Variants in FRYL observed in about 807,000 individuals in gnomAD.
FRYL encodes the protein protein furry homolog-like.
In FRYL, 150 loss-of-function variants were observed where a neutral mutation model predicts 351.2. The ratio of observed to expected loss-of-function variants is 0.43; its 90% CI spans 0.37 to 0.49. The LOEUF (loss-of-function observed/expected upper bound fraction) is 0.49, where lower values mean the gene tolerates loss of function less well. Among genes scored for constraint, FRYL ranks in the 20% least tolerant of loss-of-function variants. The pLI, the probability that FRYL is intolerant of heterozygous loss-of-function variation, is 0.00. For synonymous variants in FRYL, 1,153 were observed against 1,257.1 expected (o/e 0.92, Z 1.75); for missense variants, 3,036 against 3,619.3 (o/e 0.84, Z 4.13).
intron 1 of FRYL, among the ~76,000 whole-genome samples, chr4:48,747,424 T>C (rs1412721853): frequency 6.6e-6 from 1 of 152,216 alleles, no homozygotes; most frequent in African/African-American, 2.4e-5. Context: ...AAAGCAGGCA[T>C]GATAGAATAT....
chr4:48,719,155 A>G (rs944023347), intron 1 of FRYL, among the ~76,000 whole-genome samples: 1 of 151,542 alleles, frequency 6.6e-6, no homozygotes, highest in Non-Finnish European at 1.5e-5. Flanking sequence ...CCTACAGAAA[A>G]CAGTTCAGGA....
At chr4:48,645,124 T>TTATTTATATATATATATATATATATATA (rs1756140368) in intron 3 of FRYL, among the ~76,000 whole-genome samples, 1 of 105,446 alleles carries the variant, frequency 9.5e-6, no homozygotes, top group Non-Finnish European at 2.1e-5. Flanking sequence ...AGCTTTCATT[T>TTATTTATATATATATATATATATATATA]TATATATATA....
intron 1 of FRYL, among the ~76,000 whole-genome samples, chr4:48,752,263 C>T (rs1354544744): frequency 6.6e-6 from 1 of 152,180 alleles, no homozygotes; most frequent in Non-Finnish European, 1.5e-5. Flanking sequence ...AAAAGACTTG[C>T]ACATTCTTTG....
rs57457069 is a variant in FRYL, at chr4:48,525,163, GTATATATATATATATATA to G, written c.7318-2077_7318-2060del. Among the ~76,000 whole-genome samples the G allele has an allele frequency of 8.5e-4, 119 of 139,912 alleles. 2 individuals carry two copies. Among genetic ancestry groups the G allele is most frequent in the South Asian group, 1.4e-3 (6 of 4,342 alleles). 91.8% of individuals were successfully genotyped at this position (139,912 alleles called of 152,430 possible). A position where few individuals can be genotyped will look rare whatever the true frequency, so the allele number is the denominator to read the frequency against. ...ATTCTTGCAACTTTTATTTTTAAAG[GTATATATATATATATATA>G]TATATATATATATATACACACACTT... On this transcript the variant is annotated intron_variant, in intron 53 of 63. Coordinates refer to ENST00000358350, the MANE Select transcript of FRYL (RefSeq NM_015030.2).
At position 48,564,115 on chromosome 4, in the gene FRYL, T is replaced by G. The variant is rs1736183635; in HGVS notation, c.3442-13A>C. 6.2e-7 allele frequency: 1 copy of G among 1,612,054 alleles called. No individual in the cohort carries two copies. The highest frequency in any genetic ancestry group is 1.7e-5 in the Admixed American group (1 of 59,382). ...CCAGCTGGTGAACCTAGGTAAAGGTTGTGAAATTGCCCGAGAGAGAACGTT... is the reference window on the plus strand; with the variant it reads ...CCAGCTGGTGAACCTAGGTAAAGGTGGTGAAATTGCCCGAGAGAGAACGTT... On this transcript the variant is annotated splice_polypyrimidine_tract_variant and intron_variant, in intron 30 of 63. Coordinates refer to ENST00000358350, the MANE Select transcript of FRYL (RefSeq NM_015030.2).
chr4:48,544,895 C>T lies in FRYL; in HGVS notation c.5289G>A (p.Gly1763=). The T allele has an allele frequency of 6.3e-7, 1 of 1,599,916 alleles. No individual in the cohort carries two copies. Residue 1763 remains glycine (G), a synonymous_variant, in exon 43 of 64, where the codon GGG becomes GGA. Coordinates refer to ENST00000358350, the MANE Select transcript of FRYL (RefSeq NM_015030.2). ...AAACATCCTCATGGTTCCAAAGGGG[C>T]CCTCTTTTTCTGAAAACAGAGAACA... ...LMEFITSRKR[G]PLWNHEDVSA... is the part of the protein sequence containing the mutation.
chr4:48,590,923 G>A (rs1218167414), intron 16 of FRYL, 93 bp from the exon 17 acceptor site: 1 of 902,546 alleles, frequency 1.1e-6, no homozygotes, highest in Non-Finnish European at 1.7e-6. Flanking sequence ...ATCAGAGTTG[G>A]GGGGTGGAAG....
At chr4:48,639,298 A>G (rs1754873093) in intron 3 of FRYL, among the ~76,000 whole-genome samples, 1 of 152,138 alleles carries the variant, frequency 6.6e-6, no homozygotes, top group Non-Finnish European at 1.5e-5. Context: ...GTGACTTCAA[A>G]AAAGTAATCA....
chr4:48,579,754 C>G (rs1305312547), intron 22 of FRYL, among the ~76,000 whole-genome samples: 1 of 152,086 alleles, frequency 6.6e-6, no homozygotes, highest in East Asian at 1.9e-4. Flanking sequence ...GCACAAGAAA[C>G]AAGTCATCCA....
In FRYL at chr4:48,500,235, T is replaced by A; in HGVS notation, c.8593-15A>T. ...ATGTTGATGACCTAAAACAAATACA[T>A]CTTTAAGGATCTATTCGTATGTTTG... On this transcript the variant is annotated splice_polypyrimidine_tract_variant and intron_variant, in intron 62 of 63. Coordinates refer to ENST00000358350, the MANE Select transcript of FRYL (RefSeq NM_015030.2). 1 of 1,509,652 alleles carries A rather than the reference T, an allele frequency of 6.6e-7. No individual in the cohort carries two copies. The highest frequency in any genetic ancestry group is 8.9e-7 in the Non-Finnish European group (1 of 1,122,498). 93.5% of individuals were successfully genotyped at this position (1,509,652 alleles called of 1,614,324 possible). A position where few individuals can be genotyped will look rare whatever the true frequency, so the allele number is the denominator to read the frequency against.
chr4:48,709,065 C>T (rs1284000000), intron 2 of FRYL, among the ~76,000 whole-genome samples: 5 of 151,866 alleles, frequency 3.3e-5, no homozygotes, highest in Admixed American at 6.6e-5. Flanking sequence ...GGAACTACAG[C>T]GCCCGCCACC....
At chr4:48,669,955 C>CT (rs1028341847) in intron 3 of FRYL, among the ~76,000 whole-genome samples, 24 of 151,424 alleles carry the variant, frequency 1.6e-4, no homozygotes, top group African/African-American at 5.1e-4. Flanking sequence ...TCATTTTTTA[C>CT]TTTTAATTTT....
chr4:48,530,372 C>T (rs1727278450), intron 50 of FRYL, among the ~76,000 whole-genome samples: 1 of 152,094 alleles, frequency 6.6e-6, no homozygotes, highest in Admixed American at 6.6e-5. Context: ...GGGACAGTCC[C>T]ACATTATCTT....
chr4:48,582,691 T>A lies in FRYL; in HGVS notation c.1792A>T (p.Asn598Tyr). ...MDEELRALAF[N>Y]TLQALMLDFP... Reference sequence around the variant, plus strand: ...TCAAGCATTAGTGCCTGCAGAGTATTGAAAGCCAGAGCACGCAGTTCTTCA... The same window carrying A: ...TCAAGCATTAGTGCCTGCAGAGTATAGAAAGCCAGAGCACGCAGTTCTTCA... The change falls in exon 20 of 64, where the codon AAT becomes TAT. Residue 598 changes from asparagine (N) to tyrosine (Y), a missense_variant. Physicochemically the swap from Asn to Tyr is moderately radical, Grantham distance 143. Around this residue, in one of 7 missense-constraint regions of FRYL, gnomAD observed 492 missense variants for 551.5 expected, o/e 0.89. Coordinates refer to ENST00000358350, the MANE Select transcript of FRYL (RefSeq NM_015030.2). 6.2e-7 allele frequency: 1 copy of A among 1,614,134 alleles called. No homozygotes were observed. The highest frequency in any genetic ancestry group is 1.3e-5 in the African/African-American group (1 of 75,052).
intron 1 of FRYL, among the ~76,000 whole-genome samples, chr4:48,778,385 G>T (rs1776249257): frequency 6.7e-6 from 1 of 150,366 alleles, no homozygotes; most frequent in Non-Finnish European, 1.5e-5. Context: ...CTCTTTTAGA[G>T]AACTAATTTT....
chr4:48,645,134 AT>A, intron 3 of FRYL, among the ~76,000 whole-genome samples: 1 of 22,904 alleles, frequency 4.4e-5, no homozygotes, highest in Admixed American at 2.6e-4. Context: ...TTATATATAT[AT>A]ATATATATAT....
chr4:48,602,188 A>C (rs1745853090), intron 12 of FRYL, 67 bp from the exon 13 acceptor site: 2 of 795,682 alleles, frequency 2.5e-6, no homozygotes, highest in Non-Finnish European at 4.3e-6. Context: ...TTTAAATTTT[A>C]TATTTCATTT....
At chr4:48,715,459 A>G (rs1768680820) in intron 1 of FRYL, among the ~76,000 whole-genome samples, 1 of 152,012 alleles carries the variant, frequency 6.6e-6, no homozygotes, top group Admixed American at 6.6e-5. Flanking sequence ...AAAAATCACA[A>G]GCATTCTTAT....
intron 3 of FRYL, among the ~76,000 whole-genome samples, chr4:48,671,805 A>T (rs1343672869): frequency 6.9e-6 from 1 of 145,712 alleles, no homozygotes; most frequent in African/African-American, 2.5e-5. Context: ...GTGAGCCAAG[A>T]TCACGCCACT....
Sources: allele counts gnomAD v4.1 joint callset (sites outside exome capture counted in the v4.1 genomes callset), GRCh38; gene constraint gnomAD v4.1.1; regional missense constraint gnomAD v4.1.1; transcripts MANE v1.5; gene names NCBI Gene and HGNC (gene_info 2026-07-23, HGNC 2026-07-21).